NOL4: variants seen among roughly 807,000 people sequenced by gnomAD.
The protein encoded by NOL4 is cancer/testis antigen 125.
A neutral mutation model predicts 75.9 loss-of-function variants in NOL4; 17 were observed. The ratio of observed to expected loss-of-function variants is 0.22; its 90% confidence interval spans 0.15 to 0.34. The LOEUF is 0.34. NOL4 is among the 10% of genes least tolerant of loss of function. NOL4 has a pLI of 1.00. For missense variants in NOL4, 614 were observed against 793.5 expected, an observed-to-expected ratio of 0.77 and a Z score of 2.72; for synonymous variants, 292 against 289.9, an observed-to-expected ratio of 1.01 and a Z score of -0.07.
At chr18:34,086,873 G>T (rs551422009) in intron 5 of NOL4, among the ~76,000 whole-genome samples, 1 of 152,144 alleles carries the variant, frequency 6.6e-6, no homozygotes, top group African/African-American at 2.4e-5. Flanking sequence ...CAAAAGAACT[G>T]TCATATGTGG....
chr18:33,975,236 G>T (rs1459512809), intron 6 of NOL4, among the ~76,000 whole-genome samples: 3 of 152,110 alleles, frequency 2.0e-5, no homozygotes, highest in Non-Finnish European at 2.9e-5. Flanking sequence ...AGGTTCTGGA[G>T]ATCTGTCGCA....
rs79101988 is a variant in NOL4, at chr18:34,123,262, C to A, written c.414+6609G>T. On this transcript the variant is annotated intron_variant, in intron 2 of 10. Transcript: ENST00000261592. ...TTTTAATGAATGGCAGTAAGCTATT[C>A]TTTTGTTTTAGGATTGCTAGTTAAT... Among the ~76,000 whole-genome samples, 23 of 151,454 alleles carry A rather than the reference C, an allele frequency of 1.5e-4. No individual in the cohort carries two copies. In the East Asian group the frequency reaches 4.1e-3, roughly 27 times the overall value.
At chr18:34,101,422 A>C (rs936667348) in intron 4 of NOL4, among the ~76,000 whole-genome samples, 1 of 152,150 alleles carries the variant, frequency 6.6e-6, no homozygotes, top group African/African-American at 2.4e-5. Context: ...GAGAAGCCCC[A>C]TGCCCCAAAA....
chr18:34,194,980 C>T (rs1057340927), intron 1 of NOL4, among the ~76,000 whole-genome samples: 9 of 151,008 alleles, frequency 6.0e-5, no homozygotes, highest in African/African-American at 9.7e-5. Context: ...GCCGAGATCA[C>T]GCCATTGCAC....
chr18:33,997,161 CA>C (rs2073352624), intron 6 of NOL4, among the ~76,000 whole-genome samples: 1 of 151,612 alleles, frequency 6.6e-6, no homozygotes, highest in South Asian at 2.1e-4. Context: ...AATTTTTTGC[CA>C]AAGCGGATGT....
chr18:34,061,853 C>T (rs2077075664), intron 5 of NOL4, among the ~76,000 whole-genome samples: 1 of 151,834 alleles, frequency 6.6e-6, no homozygotes, highest in Non-Finnish European at 1.5e-5. Context: ...TTTTAATATC[C>T]AGAATGATTG....
intron 1 of NOL4, among the ~76,000 whole-genome samples, chr18:34,191,949 G>T (rs1600840068): frequency 6.6e-6 from 1 of 152,184 alleles, no homozygotes; most frequent in East Asian, 1.9e-4. Context: ...CACACATACT[G>T]ACTCACATAT....
chr18:34,058,996 G>A (rs1270386207), intron 5 of NOL4, among the ~76,000 whole-genome samples: 5 of 151,366 alleles, frequency 3.3e-5, no homozygotes, highest in African/African-American at 1.2e-4. Context: ...GCACAAAGGG[G>A]TCATTGTAAA....
Position 34,042,823 on chromosome 18 carries a change from A to C in NOL4, c.773-23222T>G, listed in dbSNP as rs141105590. Among the ~76,000 whole-genome samples the C allele has an allele frequency of 3.4e-3, 518 of 152,200 alleles. 2 individuals are homozygous for C. Among genetic ancestry groups the C allele is most frequent in the Non-Finnish European group, 4.9e-3 (330 of 67,968 alleles). ...ACATTCTCCTTTCTGTCAGTACTACATCTTGCACTAATCTTCATCATGACA... is the reference window on the plus strand; with the variant it reads ...ACATTCTCCTTTCTGTCAGTACTACCTCTTGCACTAATCTTCATCATGACA... On this transcript the variant is annotated intron_variant, in intron 5 of 10. Coordinates refer to ENST00000261592, the MANE Select transcript of NOL4 (RefSeq NM_003787.5).
intron 9 of NOL4, among the ~76,000 whole-genome samples, chr18:33,941,989 A>G (rs1599955273): frequency 6.6e-6 from 1 of 151,950 alleles, no homozygotes; most frequent in East Asian, 1.9e-4. Context: ...CTAATACTGT[A>G]TTTTTCATTT....
chr18:33,986,704 T>C (rs899743559), intron 6 of NOL4, among the ~76,000 whole-genome samples: 2 of 152,038 alleles, frequency 1.3e-5, no homozygotes, highest in Non-Finnish European at 2.9e-5. Context: ...ACTTTGACAA[T>C]CAGTTGGGCA....
chr18:34,024,129 A>T (rs2075196954), intron 5 of NOL4, among the ~76,000 whole-genome samples: 1 of 148,062 alleles, frequency 6.8e-6, no homozygotes, highest in Non-Finnish European at 1.5e-5. Context: ...AGTTACTTTC[A>T]GTAGCTCAGC....
At chr18:33,995,792 T>C (rs973444439) in intron 6 of NOL4, among the ~76,000 whole-genome samples, 1 of 152,000 alleles carries the variant, frequency 6.6e-6, no homozygotes, top group African/African-American at 2.4e-5. Flanking sequence ...GAACACATTT[T>C]GTACTATTTC....
At position 33,939,904 on chromosome 18, in the gene NOL4, C is replaced by T. The variant is rs775672876; in HGVS notation, c.1542+3161G>A. On this transcript the variant is annotated intron_variant, in intron 9 of 10. Coordinates refer to ENST00000261592, the MANE Select transcript of NOL4 (RefSeq NM_003787.5). ...GCCCATTCAGAAGGATATGAACAGACACTTCTCAGAAGAAGACATTCATGC... is the reference window on the plus strand; with the variant it reads ...GCCCATTCAGAAGGATATGAACAGATACTTCTCAGAAGAAGACATTCATGC... Among the ~76,000 whole-genome samples, 6 of 151,778 alleles carry T rather than the reference C, an allele frequency of 4.0e-5. No individual in the cohort carries two copies. In the South Asian group the frequency reaches 1.0e-3, roughly 26 times the overall value.
intron 1 of NOL4, among the ~76,000 whole-genome samples, chr18:34,215,839 T>A (rs996388928): frequency 2.0e-5 from 3 of 152,190 alleles, no homozygotes; most frequent in African/African-American, 7.2e-5. Flanking sequence ...TAGTCTACTG[T>A]TGACTGCAAG....
intron 1 of NOL4, among the ~76,000 whole-genome samples, chr18:34,152,381 G>A (rs942353468): frequency 6.6e-6 from 1 of 151,860 alleles, no homozygotes; most frequent in African/African-American, 2.4e-5. Context: ...ACCAGGTGAT[G>A]TGTCTTAGGT....
At chr18:34,010,907 AT>A (rs1161828986) in intron 6 of NOL4, among the ~76,000 whole-genome samples, 12 of 151,556 alleles carry the variant, frequency 7.9e-5, no homozygotes, top group Non-Finnish European at 1.6e-4. Flanking sequence ...GTATTATCAT[AT>A]TTTTTTCTAT....
chr18:33,898,182 G>T (rs1250266934), intron 9 of NOL4, among the ~76,000 whole-genome samples: 1 of 152,116 alleles, frequency 6.6e-6, no homozygotes, highest in East Asian at 1.9e-4. Flanking sequence ...CAAAGTGCTA[G>T]GATTATAGAT....
intron 5 of NOL4, among the ~76,000 whole-genome samples, chr18:34,060,700 A>AATTC (rs2077033914): frequency 6.6e-6 from 1 of 150,894 alleles, no homozygotes; most frequent in African/African-American, 2.4e-5. Flanking sequence ...TGTTTGAATT[A>AATTC]ATTCATTCAT....
Sources: gnomAD v4.1 joint callset for allele counts (sites outside exome capture counted in the v4.1 genomes callset) on GRCh38, gnomAD v4.1.1 for gene constraint, MANE v1.5 for transcripts, NCBI Gene and HGNC (gene_info 2026-07-23, HGNC 2026-07-21) for gene names.